SMARCA2: variants seen among roughly 807,000 people sequenced by gnomAD.
SMARCA2 encodes the protein SWI/SNF related BAF chromatin remodeling complex subunit ATPase 2, also known as SWI/SNF-related matrix-associated actin-dependent regulator of chromatin subfamily A member 2.
Under a neutral mutation model 199.8 loss-of-function variants are expected in SMARCA2, and 61 were observed. The ratio of observed to expected loss-of-function variants is 0.31; its 90% CI spans 0.25 to 0.38. SMARCA2 has a LOEUF of 0.38. Ranked by LOEUF, SMARCA2 falls within the 10% of genes least tolerant of loss-of-function variation. SMARCA2 has a pLI of 1.00. For synonymous variants in SMARCA2, 935 were observed against 732.0 expected (o/e 1.28, Z -4.48); for missense variants, 1,344 against 2,012.2 (o/e 0.67, Z 6.35).
chr9:2,045,984 T>C (rs764554769), intron 4 of SMARCA2: 7 of 152,202 alleles, frequency 4.6e-5, no homozygotes, highest in Non-Finnish European at 7.3e-5. Context: ...TAATTGGTGA[T>C]TGTTGGAAAT....
intron 27 of SMARCA2, among the ~76,000 whole-genome samples, chr9:2,129,250 C>G (rs1420343595): frequency 1.3e-5 from 2 of 152,146 alleles, no homozygotes; most frequent in African/African-American, 2.4e-5. Flanking sequence ...AACCCCATCT[C>G]TACTAAAAAT....
chr9:2,160,629 T>C (rs764025477), intron 27 of SMARCA2: 1 of 702,128 alleles, frequency 1.4e-6, no homozygotes, highest in South Asian at 1.5e-5. Context: ...GGTAATTGCC[T>C]TATGATTAGA....
At chr9:2,187,298 G>A (rs1046298926) in intron 32 of SMARCA2, among the ~76,000 whole-genome samples, 2 of 152,236 alleles carry the variant, frequency 1.3e-5, no homozygotes. Context: ...CAAGGTGCGT[G>A]CCTCCATTGT....
At chr9:2,043,278 C>T (rs998354128) in intron 4 of SMARCA2, 3 of 152,130 alleles carry the variant, frequency 2.0e-5, no homozygotes, top group Admixed American at 2.0e-4. Context: ...GACATCATCC[C>T]AGCCACCACC....
rs954667386 is a variant in SMARCA2, at chr9:2,169,140, A to C, written c.4200-1279A>C. Among the ~76,000 whole-genome samples the C allele has an allele frequency of 6.6e-6, 1 of 152,000 alleles. No homozygotes were observed. The highest frequency in any genetic ancestry group is 1.5e-5 in the Non-Finnish European group (1 of 68,006). ...CTCAGAGTCCCCTCAACCTGCTCCT[A>C]ATTGTCCCTACAAGACACCCGTTCA... is the stretch of plus-strand genomic sequence containing the variant. On this transcript the variant is annotated intron_variant, in intron 28 of 33. Coordinates refer to ENST00000349721, the MANE Select transcript of SMARCA2 (RefSeq NM_003070.5). This position sits in a 1 kb window ranked among gnomAD's most constrained non-coding sequence, Gnocchi z 6.5.
chr9:2,133,624 T>C (rs1824061052), intron 27 of SMARCA2, among the ~76,000 whole-genome samples: 1 of 150,548 alleles, frequency 6.6e-6, no homozygotes, highest in South Asian at 2.1e-4. Flanking sequence ...TAAGGCTACA[T>C]GTTTCAGTCA....
chr9:2,132,020 G>A (rs1035282580), intron 27 of SMARCA2, among the ~76,000 whole-genome samples: 4 of 151,684 alleles, frequency 2.6e-5, no homozygotes, highest in Admixed American at 2.6e-4. Flanking sequence ...CATCTCAAGA[G>A]AATTTAGTGT....
chr9:2,190,242 G>C (rs1444547808), intron 32 of SMARCA2, among the ~76,000 whole-genome samples: 3 of 152,154 alleles, frequency 2.0e-5, no homozygotes, highest in Admixed American at 2.0e-4. Flanking sequence ...ATCTGACAGA[G>C]CACTGTTAGA....
Position 2,056,754 on chromosome 9 carries a change from A to G in SMARCA2, c.1256A>G (p.Lys419Arg). The change falls in exon 7 of 34, where the codon AAG becomes AGG. Residue 419 changes from lysine (K) to arginine (R), a missense_variant. Lys to Arg is a conservative substitution (Grantham distance 26). This residue lies in a region of SMARCA2 where 155 missense variants were observed against 260.0 expected (regional missense o/e 0.60). Coordinates refer to ENST00000349721, the MANE Select transcript of SMARCA2 (RefSeq NM_003070.5). The surrounding 1 kb of genome is among the most constrained non-coding windows in gnomAD (Gnocchi z 4.0). ...AACTCCAAAGCATACAAACGGAGCAAGCGCCAGACTCTGAGAGAAGCTCGC... is the reference window on the plus strand; with the variant it reads ...AACTCCAAAGCATACAAACGGAGCAGGCGCCAGACTCTGAGAGAAGCTCGC... ...ALNSKAYKRS[K>R]RQTLREARMT... 5.0e-6 allele frequency: 8 copies of G among 1,614,222 alleles called. No individual in the cohort carries two copies. Among genetic ancestry groups the G allele is most frequent in the Non-Finnish European group, 5.9e-6 (7 of 1,180,040 alleles).
Position 2,060,957 on chromosome 9 carries a change from GAGA to G in SMARCA2, c.1673_1675del (p.Lys558del), listed in dbSNP as rs766734761. On this transcript the variant is annotated inframe_deletion, in exon 9 of 34. Coordinates refer to ENST00000349721, the MANE Select transcript of SMARCA2 (RefSeq NM_003070.5). ...GCACAAGCAAGCCCAGGCAGCCAAAGAGAAGAAGAAGAGGAGGAGGAGGAAGAA... is the reference window on the plus strand; with the variant it reads ...GCACAAGCAAGCCCAGGCAGCCAAAGAGAAGAAGAGGAGGAGGAGGAAGAA... 25 of 1,613,904 alleles carry G rather than the reference GAGA, an allele frequency of 1.5e-5. 1 individual carries two copies. The highest frequency in any genetic ancestry group is 4.5e-5 in the East Asian group (2 of 44,892).
chr9:2,061,458 C>T (rs930184864), intron 9 of SMARCA2, among the ~76,000 whole-genome samples: 1 of 152,038 alleles, frequency 6.6e-6, no homozygotes, highest in African/African-American at 2.4e-5. Flanking sequence ...TTCTGCTGTC[C>T]CTGTGTCGCA....
chr9:2,082,690 G>A (rs1821619390), intron 15 of SMARCA2, among the ~76,000 whole-genome samples: 1 of 152,226 alleles, frequency 6.6e-6, no homozygotes, highest in Non-Finnish European at 1.5e-5. Context: ...CCAAGGTCTT[G>A]TTATAGATCT....
intron 27 of SMARCA2, among the ~76,000 whole-genome samples, chr9:2,146,126 G>C (rs141436344): frequency 6.6e-6 from 1 of 152,210 alleles, no homozygotes; most frequent in East Asian, 1.9e-4. Context: ...CCAAGATCAA[G>C]GCACCAGCAG....
intron 9 of SMARCA2, among the ~76,000 whole-genome samples, chr9:2,069,812 A>T (rs56223803): frequency 0.099 from 15,121 of 152,028 alleles, 869 homozygotes; most frequent in East Asian, 0.29. Context: ...GATTCAGGGG[A>T]TACATGTGCA....
Position 2,110,159 on chromosome 9 carries a change from G to T in SMARCA2, c.3293-95G>T. The T allele has an allele frequency of 6.5e-6, 6 of 924,750 alleles. No homozygotes were observed. The highest frequency in any genetic ancestry group is 2.5e-5 in the Admixed American group (1 of 39,668). The allele number at this position is 924,750 out of a possible 1,614,324, so 57.3% of individuals were successfully genotyped here. ...CCTCACCAGTGTTAGGAGGAGTCTG[G>T]GTATATTTCTTGAAGGAAGCAAGCC... On this transcript the variant is annotated intron_variant, in intron 23 of 33. Coordinates refer to ENST00000349721, the MANE Select transcript of SMARCA2 (RefSeq NM_003070.5). The surrounding 1 kb of genome is among the most constrained non-coding windows in gnomAD (Gnocchi z 4.8).
At chr9:2,062,192 T>C (rs1462954890) in intron 9 of SMARCA2, among the ~76,000 whole-genome samples, 4 of 152,214 alleles carry the variant, frequency 2.6e-5, no homozygotes, top group Non-Finnish European at 5.9e-5. Flanking sequence ...GTGGTACATT[T>C]TATATGTCTA....
At chr9:2,162,010 C>G in intron 28 of SMARCA2, 107 bp downstream of exon 28, 3 of 827,080 alleles carry the variant, frequency 3.6e-6, no homozygotes, top group Non-Finnish European at 5.6e-6. Context: ...TATTAAGGTT[C>G]TTTCTAGTTT....
intron 27 of SMARCA2, among the ~76,000 whole-genome samples, chr9:2,144,107 C>A (rs1368874537): frequency 6.6e-6 from 1 of 152,038 alleles, no homozygotes; most frequent in Non-Finnish European, 1.5e-5. Context: ...AGGGGGCAGT[C>A]AATCATTAGA....
At position 2,134,394 on chromosome 9, in the gene SMARCA2, A is replaced by G. The variant is rs568593657; in HGVS notation, c.3981+10457A>G. On this transcript the variant is annotated intron_variant, in intron 27 of 33. Transcript: ENST00000349721. ...ACCAACCCAAACTCGCTCGGCCATT[A>G]ACTCTCTTTACCCTGGTTTTCTCCC... Among the ~76,000 whole-genome samples, 36 of 152,224 alleles carry G rather than the reference A, an allele frequency of 2.4e-4. No homozygotes were observed. The East Asian group carries it at 5.8e-3, about 24-fold the overall frequency.
Sources: gnomAD v4.1 joint callset for allele counts (sites outside exome capture counted in the v4.1 genomes callset) on GRCh38, gnomAD v4.1.1 for gene constraint, gnomAD v4.1.1 regional missense constraint, Gnocchi (gnomAD v3.1) non-coding constraint, MANE v1.5 for transcripts, NCBI Gene and HGNC (gene_info 2026-07-23, HGNC 2026-07-21) for gene names.